GRID1: variants seen among roughly 807,000 people sequenced by gnomAD.
The protein encoded by GRID1 is glutamate ionotropic receptor delta type subunit 1, also known as glutamate receptor ionotropic, delta-1.
Under a neutral mutation model 98.0 loss-of-function variants are expected in GRID1, and 28 were observed. The observed-to-expected ratio is 0.29, with a 90% CI of 0.21 to 0.39. GRID1 has a LOEUF of 0.39. GRID1 is among the 10% of genes least tolerant of loss of function. The probability of loss-of-function intolerance (pLI) is 1.00; values close to 1 mark genes in which losing one functional copy is unlikely to be tolerated. For synonymous variants in GRID1, 553 were observed against 538.5 expected (o/e 1.03, Z -0.37); for missense variants, 1,111 against 1,340.5 (o/e 0.83, Z 2.67).
intron 12 of GRID1, among the ~76,000 whole-genome samples, chr10:85,722,079 A>G (rs1056652320): frequency 2.6e-5 from 4 of 152,328 alleles, no homozygotes; most frequent in Admixed American, 2.0e-4. Context: ...ATTAGACAAT[A>G]TCATACTGAA....
intron 14 of GRID1, among the ~76,000 whole-genome samples, chr10:85,619,260 C>T (rs992696117): frequency 5.3e-5 from 8 of 152,162 alleles, no homozygotes; most frequent in African/African-American, 1.9e-4. Flanking sequence ...ACATCCCTTC[C>T]CTGCCCCAGC....
At chr10:85,987,361 C>T in intron 4 of GRID1, among the ~76,000 whole-genome samples, 1 of 151,556 alleles carries the variant, frequency 6.6e-6, no homozygotes, top group East Asian at 1.9e-4. Flanking sequence ...AATCACCCTC[C>T]CAGCCTTACC....
At chr10:86,129,337 C>T (rs1258305445) in intron 4 of GRID1, among the ~76,000 whole-genome samples, 1 of 152,190 alleles carries the variant, frequency 6.6e-6, no homozygotes, top group African/African-American at 2.4e-5. Flanking sequence ...CTCCCTTGAT[C>T]TGTCAATGGC....
Position 86,224,544 on chromosome 10 carries a change from C to A in GRID1, c.236-17896G>T, listed in dbSNP as rs549482306. 1.1e-4 allele frequency among the ~76,000 whole-genome samples: 17 copies of A among 152,232 alleles called. No homozygotes were observed. The South Asian group carries it at 1.2e-3, about 11-fold the overall frequency. ...ACTGGGCAGGATGGGATGTGGGGAG[C>A]ACAAAAATAGGGGAGACGCACTCTA... On this transcript the variant is annotated intron_variant, in intron 2 of 15. Transcript: ENST00000327946.
intron 12 of GRID1, among the ~76,000 whole-genome samples, chr10:85,717,926 T>TC (rs1271332779): frequency 4.8e-3 from 1 of 210 alleles, no homozygotes; most frequent in Non-Finnish European, 8.6e-3. Context: ...CAGTCAGATT[T>TC]TAAGCTCCAA....
chr10:85,618,744 G>C (rs1043162024), intron 14 of GRID1, among the ~76,000 whole-genome samples: 1 of 152,132 alleles, frequency 6.6e-6, no homozygotes, highest in Non-Finnish European at 1.5e-5. Context: ...TAGAGTGTGA[G>C]AGAAGGGAGG....
At chr10:86,004,494 C>G (rs1364892980) in intron 4 of GRID1, among the ~76,000 whole-genome samples, 2 of 152,084 alleles carry the variant, frequency 1.3e-5, no homozygotes. Context: ...AGCAGATTGC[C>G]CTCCATGATG....
intron 4 of GRID1, among the ~76,000 whole-genome samples, chr10:86,006,944 C>G (rs887750383): frequency 6.6e-6 from 1 of 152,014 alleles, no homozygotes; most frequent in African/African-American, 2.4e-5. Flanking sequence ...CAACTCCATG[C>G]CTATAGAAGG....
chr10:86,039,258 G>T (rs1380429838), intron 4 of GRID1, among the ~76,000 whole-genome samples: 1 of 152,074 alleles, frequency 6.6e-6, no homozygotes, highest in African/African-American at 2.4e-5. Flanking sequence ...TGGAAGTTCT[G>T]GAGTTCATGA....
intron 4 of GRID1, among the ~76,000 whole-genome samples, chr10:85,961,057 G>A (rs926070497): frequency 3.3e-5 from 5 of 152,060 alleles, no homozygotes; most frequent in South Asian, 2.1e-4. Flanking sequence ...CCAGTCTCAG[G>A]AGTCTCAGAA....
chr10:86,173,638 A>G (rs1171587985), intron 3 of GRID1, among the ~76,000 whole-genome samples: 1 of 151,510 alleles, frequency 6.6e-6, no homozygotes, highest in Non-Finnish European at 1.5e-5. Context: ...GGTTAGTTAC[A>G]TATGTATACA....
chr10:85,971,713 G>C (rs1263786506), intron 4 of GRID1, among the ~76,000 whole-genome samples: 5 of 152,104 alleles, frequency 3.3e-5, no homozygotes, highest in Non-Finnish European at 7.4e-5. Flanking sequence ...TGAGAATGTA[G>C]AGTATCTGAA....
At chr10:86,164,625 G>T (rs1460125669) in intron 3 of GRID1, among the ~76,000 whole-genome samples, 2 of 152,190 alleles carry the variant, frequency 1.3e-5, no homozygotes, top group Admixed American at 6.5e-5. Context: ...CTTCATCAGG[G>T]GGTCAGGGAG....
At chr10:85,845,032 A>G (rs939263976) in intron 8 of GRID1, among the ~76,000 whole-genome samples, 12 of 152,100 alleles carry the variant, frequency 7.9e-5, no homozygotes, top group Admixed American at 7.2e-4. Flanking sequence ...TATCAAGAAC[A>G]AAATAAAGAT....
chr10:85,805,083 A>G (rs1472383603), intron 8 of GRID1, among the ~76,000 whole-genome samples: 1 of 151,482 alleles, frequency 6.6e-6, no homozygotes, highest in Non-Finnish European at 1.5e-5. Context: ...AGAAAAATAT[A>G]CTAGAATATA....
chr10:85,677,403 T>G (rs1227859792), intron 12 of GRID1, among the ~76,000 whole-genome samples: 2 of 152,150 alleles, frequency 1.3e-5, no homozygotes, highest in African/African-American at 4.8e-5. Flanking sequence ...AGAGCTCACT[T>G]AGTTCCTGGA....
intron 13 of GRID1, among the ~76,000 whole-genome samples, chr10:85,630,470 C>T (rs1330504721): frequency 1.3e-5 from 2 of 152,184 alleles, no homozygotes; most frequent in South Asian, 2.1e-4. Context: ...CTGATAACAA[C>T]GCGAGTGCCT....
At chr10:85,719,890 CAA>C (rs1486664764) in intron 12 of GRID1, among the ~76,000 whole-genome samples, 1 of 152,080 alleles carries the variant, frequency 6.6e-6, no homozygotes, top group East Asian at 1.9e-4. Context: ...TCTGGATAGA[CAA>C]AGACTTAACA....
chr10:86,240,340 TG>T (rs1469888520), intron 2 of GRID1, among the ~76,000 whole-genome samples: 1 of 152,110 alleles, frequency 6.6e-6, no homozygotes, highest in East Asian at 1.9e-4. Context: ...CACTAGGACA[TG>T]AGCTTCCTGG....
Sources: allele counts gnomAD v4.1 joint callset (sites outside exome capture counted in the v4.1 genomes callset), GRCh38; gene constraint gnomAD v4.1.1; transcripts MANE v1.5; gene names NCBI Gene and HGNC (gene_info 2026-07-23, HGNC 2026-07-21).